B2M: variants seen among roughly 807,000 people sequenced by gnomAD.
B2M encodes the protein beta-2-microglobulin, also known as beta chain of MHC class I molecules.
In B2M, 3 loss-of-function variants were observed where a neutral mutation model predicts 14.5. The observed-to-expected ratio is 0.21, with a 90% CI of 0.09 to 0.53. B2M has a LOEUF of 0.53. Among genes scored for constraint, B2M ranks in the 20% least tolerant of loss-of-function variants. B2M has a pLI of 0.95. For missense variants in B2M, 107 were observed against 140.8 expected, an observed-to-expected ratio of 0.76 and a Z score of 1.21; for synonymous variants, 45 against 52.7, an observed-to-expected ratio of 0.85 and a Z score of 0.64.
chr15:44,713,061 G>A (rs62024991), intron 1 of B2M: 7,236 of 151,988 alleles, frequency 0.048, 331 homozygotes, highest in East Asian at 0.15. Flanking sequence ...TGTCAGTCAG[G>A]GGAGCTGTAA....
intron 3 of B2M, 156 bp from the exon 4 acceptor site, chr15:44,717,451 T>A (rs1474655860): frequency 6.6e-6 from 1 of 152,218 alleles, no homozygotes; most frequent in African/African-American, 2.4e-5. Context: ...AGGGATACAC[T>A]AACAGGATAT....
chr15:44,716,916 A>G (rs1404356527), intron 3 of B2M: 1 of 153,280 alleles, frequency 6.5e-6, no homozygotes, highest in Non-Finnish European at 1.5e-5. Flanking sequence ...AGCAAGAGAG[A>G]GGGAGGAACT....
intron 1 of B2M, 42 bp from the exon 2 acceptor site, chr15:44,715,381 T>C (rs766655028): frequency 6.3e-7 from 1 of 1,597,324 alleles, no homozygotes; most frequent in East Asian, 2.2e-5. Context: ...CCAAGTGAAA[T>C]ACCCTGGCAA....
chr15:44,712,721 G>C (rs1467047510), intron 1 of B2M: 1 of 152,314 alleles, frequency 6.6e-6, no homozygotes, highest in Admixed American at 6.5e-5. Context: ...TGAGGGGGTT[G>C]GGCGTGGTAG....
At chr15:44,716,695 G>C (rs1267455033) in intron 3 of B2M, 2 of 378,076 alleles carry the variant, frequency 5.3e-6, no homozygotes, top group Non-Finnish European at 9.7e-6. Context: ...GCTGAGGAGA[G>C]AAAATGAACC....
chr15:44,715,947 GAGC>G, intron 2 of B2M: 1 of 628,994 alleles, frequency 1.6e-6, no homozygotes, highest in Non-Finnish European at 2.8e-6. Flanking sequence ...GTTGAGCAGG[GAGC>G]AGCAGCAGCA....
intron 3 of B2M, chr15:44,717,000 C>G (rs894297137): frequency 2.0e-5 from 3 of 152,290 alleles, no homozygotes; most frequent in African/African-American, 4.8e-5. Flanking sequence ...TACATTGATG[C>G]TGAAACCCCA....
At chr15:44,712,011 C>T (rs1000219847) in intron 1 of B2M, 1 of 363,656 alleles carries the variant, frequency 2.7e-6, no homozygotes, top group Non-Finnish European at 5.3e-6. Context: ...CCCAAAGGCG[C>T]GGCGCTGAGG....
At chr15:44,714,949 G>A in intron 1 of B2M, 14 of 201,574 alleles carry the variant, frequency 6.9e-5, no homozygotes, top group Middle Eastern at 2.2e-3. Flanking sequence ...AAAATGGAAG[G>A]GGTGGAAACA....
chr15:44,717,651 T>C lies in B2M; in HGVS notation c.*59T>C, dbSNP rs2086958633. 6.6e-6 allele frequency: 1 copy of C among 152,278 alleles called. No individual in the cohort carries two copies. Among genetic ancestry groups the C allele is most frequent in the African/African-American group, 2.4e-5 (1 of 41,468 alleles). 9.4% of individuals were successfully genotyped at this position (152,278 alleles called of 1,614,324 possible). ...GGATTGGATGAATTCCAAATTCTGC[T>C]TGCTTGCTTTTTAATATTGATATGC... is the stretch of plus-strand genomic sequence containing the variant. On this transcript the variant is annotated 3_prime_UTR_variant, in exon 4 of 4. Transcript: ENST00000648006.
At position 44,711,519 on chromosome 15, in the gene B2M, T is replaced by C; in HGVS notation, c.-28T>C. 6.2e-7 allele frequency: 1 copy of C among 1,612,490 alleles called. No individual in the cohort carries two copies. Reference sequence around the variant, plus strand: ...GTGGAGGCGTCGCGCTGGCGGGCATTCCTGAAGCTGACAGCATTCGGGCCG... The same window carrying C: ...GTGGAGGCGTCGCGCTGGCGGGCATCCCTGAAGCTGACAGCATTCGGGCCG... On this transcript the variant is annotated 5_prime_UTR_variant, in exon 1 of 4. Coordinates refer to ENST00000648006, the MANE Select transcript of B2M (RefSeq NM_004048.4).
intron 2 of B2M, 104 bp from the exon 3 acceptor site, chr15:44,716,225 T>C: frequency 7.3e-7 from 1 of 1,366,822 alleles, no homozygotes; most frequent in Admixed American, 1.7e-5. Flanking sequence ...AGCAGCCTAT[T>C]CTGCCAGCCT....
At chr15:44,715,236 G>A (rs942614274) in intron 1 of B2M, 187 bp from the exon 2 acceptor site, 70 of 685,866 alleles carry the variant, frequency 1.0e-4, no homozygotes, top group Admixed American at 4.2e-4. Context: ...ACCAAGTCAC[G>A]GTTTATTCTT....
At chr15:44,716,214 C>T in intron 2 of B2M, 115 bp from the exon 3 acceptor site, 1 of 1,246,074 alleles carries the variant, frequency 8.0e-7, no homozygotes, top group East Asian at 2.3e-5. Flanking sequence ...TGGGTAGGAA[C>T]AGCAGCCTAT....
Position 44,717,772 on chromosome 15 carries a change from T to C in B2M, c.*180T>C, listed in dbSNP as rs1456325106. 1 of 152,240 alleles carries C rather than the reference T, an allele frequency of 6.6e-6. No homozygotes were observed. The highest frequency in any genetic ancestry group is 1.5e-5 in the Non-Finnish European group (1 of 68,062). The allele number at this position is 152,240 out of a possible 1,614,324, so 9.4% of individuals were successfully genotyped here. A position where few individuals can be genotyped will look rare whatever the true frequency, so the allele number is the denominator to read the frequency against. On this transcript the variant is annotated 3_prime_UTR_variant, in exon 4 of 4. Transcript: ENST00000648006. ...AATTCTACTTTGAGTGCTGTCTCCA[T>C]GTTTGATGTATCTGAGCAGGTTGCT...
intron 3 of B2M, 73 bp downstream of exon 3, chr15:44,716,429 A>G: frequency 7.1e-7 from 1 of 1,414,388 alleles, no homozygotes; most frequent in Non-Finnish European, 1.0e-6. Flanking sequence ...CTCTAACATG[A>G]TAACCCTCAC....
chr15:44,712,031 G>C (rs1192925558), intron 1 of B2M: 2 of 295,654 alleles, frequency 6.8e-6, no homozygotes, highest in African/African-American at 4.4e-5. Context: ...GTTTGTGAAC[G>C]CGTGGAGGGG....
rs751413344 is a variant in B2M, at chr15:44,715,646, G to T, written c.291G>T (p.Glu97Asp). The change falls in exon 2 of 4, where the codon GAG becomes GAT. Residue 97 changes from glutamate to aspartate, a missense_variant. Transcript: ENST00000648006. ...YTEFTPTEKD[E>D]YACRVNHVTL... ...AATTCACCCCCACTGAAAAAGATGA[G>T]TATGCCTGCCGTGTGAACCATGTGA... is the stretch of plus-strand genomic sequence containing the variant. The T allele has an allele frequency of 6.2e-7, 1 of 1,614,208 alleles. No individual in the cohort carries two copies. The highest frequency in any genetic ancestry group is 1.7e-5 in the Admixed American group (1 of 60,036).
intron 3 of B2M, chr15:44,717,362 A>G (rs1250939010): frequency 6.6e-6 from 1 of 152,190 alleles, no homozygotes; most frequent in Non-Finnish European, 1.5e-5. Flanking sequence ...ATCTTATGAG[A>G]CCACTGTCAT....
Sources: allele counts gnomAD v4.1 joint callset, GRCh38; gene constraint gnomAD v4.1.1; transcripts MANE v1.5; gene names NCBI Gene and HGNC (gene_info 2026-07-23, HGNC 2026-07-21).